Variants in FGF12 observed in about 807,000 individuals in gnomAD.
The protein encoded by FGF12 is fibroblast growth factor 12.
In FGF12, 14 loss-of-function variants were observed where a neutral mutation model predicts 23.6. That is an observed-to-expected ratio of 0.59 (90% confidence interval 0.39 to 0.93). The LOEUF is 0.93. FGF12 is among the 40% of genes least tolerant of loss of function. The probability of loss-of-function intolerance (pLI) is 0.00; values close to 1 mark genes in which losing one functional copy is unlikely to be tolerated. For synonymous variants in FGF12, 62 were observed against 77.3 expected, an observed-to-expected ratio of 0.80 and a Z score of 1.04; for missense variants, 175 against 217.8, an observed-to-expected ratio of 0.80 and a Z score of 1.24.
chr3:192,171,905 C>CT (rs1184730725), intron 4 of FGF12, among the ~76,000 whole-genome samples: 5 of 139,042 alleles, frequency 3.6e-5, no homozygotes, highest in Non-Finnish European at 8.1e-5. Flanking sequence ...TCCCTCTCTC[C>CT]TTTTTTTTCT....
chr3:192,148,860 C>G (rs964899340), intron 5 of FGF12, among the ~76,000 whole-genome samples: 2 of 152,176 alleles, frequency 1.3e-5, no homozygotes, highest in Non-Finnish European at 2.9e-5. Context: ...TAGGACTGTG[C>G]TGCCTAGTAT....
At chr3:192,243,728 T>G (rs1719741003) in intron 4 of FGF12, among the ~76,000 whole-genome samples, 1 of 152,004 alleles carries the variant, frequency 6.6e-6, no homozygotes, top group Non-Finnish European at 1.5e-5. Context: ...CATCATTATG[T>G]TGTTGAGTCT....
chr3:192,509,190 T>C (rs929478425), intron 2 of FGF12, among the ~76,000 whole-genome samples: 1 of 152,198 alleles, frequency 6.6e-6, no homozygotes, highest in African/African-American at 2.4e-5. Context: ...TTAATTGGCA[T>C]GGTGCAAGTA....
chr3:192,679,349 G>T (rs769112317), intron 2 of FGF12, among the ~76,000 whole-genome samples: 2 of 152,180 alleles, frequency 1.3e-5, no homozygotes, highest in Non-Finnish European at 2.9e-5. Context: ...TGTAATCTCA[G>T]CACTTTGGCA....
At chr3:192,506,506 G>C (rs956121920) in intron 2 of FGF12, among the ~76,000 whole-genome samples, 6 of 152,100 alleles carry the variant, frequency 3.9e-5, no homozygotes, top group African/African-American at 1.4e-4. Context: ...GAGTAGCTGG[G>C]ATTATAGCTG....
chr3:192,511,987 CTT>C (rs1353047094), intron 2 of FGF12, among the ~76,000 whole-genome samples: 1 of 152,072 alleles, frequency 6.6e-6, no homozygotes, highest in Admixed American at 6.5e-5. Context: ...TTTAATAAAA[CTT>C]AAATAAAATA....
At chr3:192,363,538 T>C (rs1343177041) in intron 2 of FGF12, among the ~76,000 whole-genome samples, 1 of 152,106 alleles carries the variant, frequency 6.6e-6, no homozygotes, top group African/African-American at 2.4e-5. Flanking sequence ...CATCCTGCAT[T>C]ACAGAAGTTT....
rs575796959 is a variant in FGF12 at position 192,707,732 on chromosome 3, G to A, written c.13+19449C>T. On this transcript the variant is annotated intron_variant, in intron 2 of 5. Coordinates refer to ENST00000445105, the MANE Select transcript of FGF12 (RefSeq NM_004113.6). ...CTGCACACTAGCCTGACAACAAAGCGAGACTCCTTCTCAAAAAAAAAAAAA... is the reference window on the plus strand; with the variant it reads ...CTGCACACTAGCCTGACAACAAAGCAAGACTCCTTCTCAAAAAAAAAAAAA... Among the ~76,000 whole-genome samples the A allele has an allele frequency of 8.4e-5, 7 of 82,880 alleles. No individual in the cohort carries two copies. In the East Asian group the frequency reaches 1.4e-3, roughly 16 times the overall value. The allele number at this position is 82,880 out of a possible 152,430, so 54.4% of individuals were successfully genotyped here.
At chr3:192,195,664 T>G (rs1717028440) in intron 4 of FGF12, among the ~76,000 whole-genome samples, 1 of 152,178 alleles carries the variant, frequency 6.6e-6, no homozygotes, top group African/African-American at 2.4e-5. Context: ...GTATCCCCAT[T>G]GTAAGCAATG....
At chr3:192,185,635 G>T (rs964307281) in intron 4 of FGF12, among the ~76,000 whole-genome samples, 1 of 151,992 alleles carries the variant, frequency 6.6e-6, no homozygotes, top group Admixed American at 6.6e-5. Flanking sequence ...GCCTAGGCTG[G>T]TGGATCACGG....
At chr3:192,696,150 C>G (rs1718115190) in intron 2 of FGF12, among the ~76,000 whole-genome samples, 1 of 144,734 alleles carries the variant, frequency 6.9e-6, no homozygotes, top group African/African-American at 2.8e-5. Context: ...ATGCTAAGCT[C>G]AGCTTTTTTT....
At chr3:192,604,874 G>A (rs566544483) in intron 2 of FGF12, among the ~76,000 whole-genome samples, 1 of 152,146 alleles carries the variant, frequency 6.6e-6, no homozygotes, top group Non-Finnish European at 1.5e-5. Flanking sequence ...CAATGGAACA[G>A]AGTAAAGAAC....
At chr3:192,166,968 A>AAATC (rs1421641594) in intron 5 of FGF12, among the ~76,000 whole-genome samples, 7 of 152,132 alleles carry the variant, frequency 4.6e-5, no homozygotes, top group African/African-American at 1.2e-4. Flanking sequence ...AACAAAAAGA[A>AAATC]AATCATTCTA....
chr3:192,606,851 T>C (rs963525645), intron 2 of FGF12, among the ~76,000 whole-genome samples: 1 of 152,168 alleles, frequency 6.6e-6, no homozygotes, highest in African/African-American at 2.4e-5. Context: ...AACTTCAGTC[T>C]TCCCCCTGAC....
intron 4 of FGF12, among the ~76,000 whole-genome samples, chr3:192,186,508 T>G (rs965382754): frequency 3.9e-5 from 6 of 152,244 alleles, no homozygotes; most frequent in African/African-American, 1.4e-4. Context: ...ACTCATTCTA[T>G]TAAAGTTATT....
chr3:192,458,193 G>A (rs1440690106), intron 2 of FGF12, among the ~76,000 whole-genome samples: 1 of 152,196 alleles, frequency 6.6e-6, no homozygotes, highest in Non-Finnish European at 1.5e-5. Context: ...CTTGGGAAGT[G>A]CAGAAGGGAA....
chr3:192,231,032 G>C (rs896114883), intron 4 of FGF12, among the ~76,000 whole-genome samples: 2 of 152,108 alleles, frequency 1.3e-5, no homozygotes, highest in Admixed American at 1.3e-4. Flanking sequence ...ATAGTCTCTA[G>C]ACATTGCTAA....
intron 2 of FGF12, among the ~76,000 whole-genome samples, chr3:192,594,209 G>A (rs776559814): frequency 1.3e-5 from 2 of 151,862 alleles, no homozygotes; most frequent in African/African-American, 2.4e-5. Flanking sequence ...TAGAATGAGT[G>A]TCATCACATG....
rs146366268 is a variant in FGF12, at chr3:192,164,541, G to C, written c.427+5917C>G. 3.4e-3 allele frequency among the ~76,000 whole-genome samples: 515 copies of C among 152,206 alleles called. 1 individual carries two copies. The highest frequency in any genetic ancestry group is 0.011 in the African/African-American group (441 of 41,520). On this transcript the variant is annotated intron_variant, in intron 5 of 5. Transcript: ENST00000445105. ...CTGGCAGAGCTTAATTTTGGGAATCGTGACATTCAAAAGACAACACCAGCA... is the reference window on the plus strand; with the variant it reads ...CTGGCAGAGCTTAATTTTGGGAATCCTGACATTCAAAAGACAACACCAGCA...
Sources: allele counts gnomAD v4.1 joint callset (sites outside exome capture counted in the v4.1 genomes callset), GRCh38; gene constraint gnomAD v4.1.1; transcripts MANE v1.5; gene names NCBI Gene and HGNC (gene_info 2026-07-23, HGNC 2026-07-21).